The following LCLAT1 variants were observed in gnomAD, a reference collection of about 807,000 sequenced individuals.
LCLAT1 encodes the protein 1-AGP acyltransferase 8.
LCLAT1 carries 11 observed loss-of-function variants against 30.7 expected under a neutral mutation model. The ratio of observed to expected loss-of-function variants is 0.36; its 90% CI spans 0.23 to 0.59. The LOEUF (loss-of-function observed/expected upper bound fraction) is 0.59. Among genes scored for constraint, LCLAT1 ranks in the 20% least tolerant of loss-of-function variants. The pLI, the probability that LCLAT1 is intolerant of heterozygous loss-of-function variation, is 0.77. For synonymous variants in LCLAT1, 155 were observed against 151.3 expected, an observed-to-expected ratio of 1.02 and a Z score of -0.18; for missense variants, 402 against 458.6, an observed-to-expected ratio of 0.88 and a Z score of 1.13.
At chr2:30,575,131 C>G (rs1665938024) in intron 5 of LCLAT1, among the ~76,000 whole-genome samples, 2 of 152,132 alleles carry the variant, frequency 1.3e-5, no homozygotes, top group Admixed American at 6.5e-5. Flanking sequence ...TTGGTTCCTC[C>G]AGACAGCTTA....
At chr2:30,458,812 C>T (rs984372551) in intron 1 of LCLAT1, among the ~76,000 whole-genome samples, 2 of 152,286 alleles carry the variant, frequency 1.3e-5, no homozygotes, top group African/African-American at 4.8e-5. Context: ...AAGACAGGGG[C>T]ATTCCCAGCT....
rs898551689 is a variant in LCLAT1, at chr2:30,484,050, C to T, written c.-5+36667C>T. On this transcript the variant is annotated intron_variant, in intron 1 of 5. Coordinates refer to ENST00000379509, the MANE Select transcript of LCLAT1 (RefSeq NM_001002257.3). ...TGAGAAATGTGCTTCAGAGCAGTCA[C>T]CTTAGAGGTTTTGTCTTCCCAGGTG... Among the ~76,000 whole-genome samples, 6 of 152,080 alleles carry T rather than the reference C, an allele frequency of 3.9e-5. No homozygotes were observed. The East Asian group carries it at 1.2e-3, about 29-fold the overall frequency.
At chr2:30,633,419 T>A (rs1668861633) in intron 5 of LCLAT1, among the ~76,000 whole-genome samples, 1 of 152,238 alleles carries the variant, frequency 6.6e-6, no homozygotes, top group Admixed American at 6.5e-5. Flanking sequence ...CCGGGCACAG[T>A]GGCTCACGCC....
intron 3 of LCLAT1, among the ~76,000 whole-genome samples, chr2:30,542,881 A>C (rs900495228): frequency 6.6e-6 from 1 of 150,810 alleles, no homozygotes; most frequent in Non-Finnish European, 1.5e-5. Context: ...TGGGTTCCAT[A>C]GGGTTTCTTT....
intron 5 of LCLAT1, among the ~76,000 whole-genome samples, chr2:30,589,999 G>A (rs547851400): frequency 1.3e-5 from 2 of 152,004 alleles, no homozygotes; most frequent in African/African-American, 2.4e-5. Flanking sequence ...ATGGAATTTT[G>A]TTTTGAAAGA....
intron 1 of LCLAT1, among the ~76,000 whole-genome samples, chr2:30,479,524 G>C (rs1683222948): frequency 6.6e-6 from 1 of 152,162 alleles, no homozygotes; most frequent in Non-Finnish European, 1.5e-5. Flanking sequence ...TGAGATTATA[G>C]GTGTGAGCCA....
chr2:30,454,878 G>A (rs1681747875), intron 1 of LCLAT1, among the ~76,000 whole-genome samples: 1 of 152,192 alleles, frequency 6.6e-6, no homozygotes, highest in African/African-American at 2.4e-5. Flanking sequence ...TAATCTAGAG[G>A]ACTCCAAGGA....
intron 5 of LCLAT1, among the ~76,000 whole-genome samples, chr2:30,628,048 A>T (rs1231487539): frequency 6.6e-6 from 1 of 152,100 alleles, no homozygotes; most frequent in African/African-American, 2.4e-5. Context: ...CAATTACAAT[A>T]AAAAAAATTT....
intron 3 of LCLAT1, among the ~76,000 whole-genome samples, chr2:30,534,629 A>G (rs572481028): frequency 2.9e-4 from 44 of 152,188 alleles, no homozygotes; most frequent in Middle Eastern, 3.4e-3. Context: ...TCTCTTTGCC[A>G]CTTTTCCAAT....
chr2:30,623,046 A>ATTTTTTTTTTTTTTTTTTTTTTTTTTT (rs34283582), intron 5 of LCLAT1, among the ~76,000 whole-genome samples: 1 of 83,240 alleles, frequency 1.2e-5, no homozygotes, highest in Non-Finnish European at 2.2e-5. Flanking sequence ...AATTCAAAGA[A>ATTTTTTTTTTTTTTTTTTTTTTTTTTT]TTTTTTTTTT....
At chr2:30,508,634 A>G (rs1395560954) in intron 1 of LCLAT1, among the ~76,000 whole-genome samples, 5 of 152,122 alleles carry the variant, frequency 3.3e-5, no homozygotes, top group Admixed American at 2.6e-4. Flanking sequence ...TACCAGTACC[A>G]TGCTGTTTTG....
At chr2:30,604,701 C>G (rs1346186021) in intron 5 of LCLAT1, among the ~76,000 whole-genome samples, 1 of 147,984 alleles carries the variant, frequency 6.8e-6, no homozygotes, top group Non-Finnish European at 1.5e-5. Flanking sequence ...TCATTCGTAG[C>G]TCTCAGGTTG....
intron 5 of LCLAT1, among the ~76,000 whole-genome samples, chr2:30,596,108 G>GT (rs1666918318): frequency 6.6e-6 from 1 of 152,236 alleles, no homozygotes. Context: ...ATGCGTGCAT[G>GT]TATCTTTCTT....
intron 1 of LCLAT1, among the ~76,000 whole-genome samples, chr2:30,501,809 C>G (rs1242038446): frequency 6.6e-6 from 1 of 152,096 alleles, no homozygotes; most frequent in East Asian, 1.9e-4. Context: ...CTCAATAATT[C>G]TATATTAGAA....
chr2:30,465,667 C>G (rs1682382759), intron 1 of LCLAT1, among the ~76,000 whole-genome samples: 1 of 152,166 alleles, frequency 6.6e-6, no homozygotes, highest in South Asian at 2.1e-4. Flanking sequence ...AGGCTAAACA[C>G]TCTACCAAAA....
chr2:30,617,018 G>A (rs71444465), intron 5 of LCLAT1, among the ~76,000 whole-genome samples: 24,411 of 151,916 alleles, frequency 0.16, 2,373 homozygotes, highest in East Asian at 0.25. Flanking sequence ...TATTTGAGAC[G>A]CCTTAAAAAA....
chr2:30,554,012 A>G (rs1391881393), intron 3 of LCLAT1, among the ~76,000 whole-genome samples: 3 of 152,196 alleles, frequency 2.0e-5, no homozygotes, highest in Non-Finnish European at 4.4e-5. Context: ...AAAAAACCCA[A>G]ACCCCTTGCC....
At position 30,641,104 on chromosome 2, in the gene LCLAT1, C is replaced by T. The variant is rs956320457; in HGVS notation, c.*485C>T. On this transcript the variant is annotated 3_prime_UTR_variant, in exon 6 of 6. Coordinates refer to ENST00000379509, the MANE Select transcript of LCLAT1 (RefSeq NM_001002257.3). Reference sequence around the variant, plus strand: ...TGGCGTCCTTCTTCCTGCGCCAAACCCATCTCATCCTTAAGATCAGAAAAT... The same window carrying T: ...TGGCGTCCTTCTTCCTGCGCCAAACTCATCTCATCCTTAAGATCAGAAAAT... The T allele has an allele frequency of 4.6e-5, 7 of 153,438 alleles. No individual in the cohort carries two copies. The highest frequency in any genetic ancestry group is 8.7e-5 in the Non-Finnish European group (6 of 69,126). 9.5% of individuals were successfully genotyped at this position (153,438 alleles called of 1,614,324 possible).
chr2:30,584,916 C>T lies in LCLAT1; in HGVS notation c.628+16740C>T, dbSNP rs557225027. On this transcript the variant is annotated intron_variant, in intron 5 of 5. Transcript: ENST00000379509. ...TTGCCAGTGGAAGAACCACTTGCTG[C>T]CCTGATAAGGAACCAATATTACTAT... 6.9e-5 allele frequency among the ~76,000 whole-genome samples: 10 copies of T among 145,616 alleles called. No individual in the cohort carries two copies. In the South Asian group the frequency reaches 2.2e-3, roughly 32 times the overall value.
Sources: allele counts gnomAD v4.1 joint callset (sites outside exome capture counted in the v4.1 genomes callset), GRCh38; gene constraint gnomAD v4.1.1; transcripts MANE v1.5; gene names NCBI Gene and HGNC (gene_info 2026-07-23, HGNC 2026-07-21).